Variants in ADAM18 observed in about 807,000 individuals in gnomAD.
ADAM18 encodes ADAM metallopeptidase domain 18, also known as disintegrin and metalloproteinase domain-containing protein 18.
A neutral mutation model predicts 94.4 loss-of-function variants in ADAM18; 117 were observed. The ratio of observed to expected loss-of-function variants is 1.24; its 90% CI spans 1.07 to 1.45. The LOEUF (loss-of-function observed/expected upper bound fraction) is 1.45. Ranked by LOEUF, ADAM18 falls within the 40% of genes most tolerant of loss-of-function variation. The pLI, the probability that ADAM18 is intolerant of heterozygous loss-of-function variation, is 0.00. For synonymous variants in ADAM18, 327 were observed against 291.6 expected (o/e 1.12, Z -1.24); for missense variants, 936 against 880.0 (o/e 1.06, Z -0.81).
chr8:39,684,235 T>C (rs1322273768), intron 16 of ADAM18, among the ~76,000 whole-genome samples: 1 of 152,164 alleles, frequency 6.6e-6, no homozygotes, highest in Non-Finnish European at 1.5e-5. Context: ...CTACCTTCCA[T>C]GTCATAAGCT....
At chr8:39,724,407 A>C (rs542440496) in intron 19 of ADAM18, among the ~76,000 whole-genome samples, 2 of 151,900 alleles carry the variant, frequency 1.3e-5, no homozygotes, top group African/African-American at 4.8e-5. Context: ...GTCAGTATTG[A>C]ATTATCATAC....
At chr8:39,597,082 T>C (rs1818765716) in intron 2 of ADAM18, among the ~76,000 whole-genome samples, 1 of 152,196 alleles carries the variant, frequency 6.6e-6, no homozygotes, top group African/African-American at 2.4e-5. Context: ...TATATCTTAT[T>C]TGATGAGATG....
In ADAM18 at chr8:39,677,534, G is replaced by T; in HGVS notation, c.1629G>T (p.Arg543=). 1 of 1,586,418 alleles carries T rather than the reference G, an allele frequency of 6.3e-7. No homozygotes were observed. The highest frequency in any genetic ancestry group is 1.2e-5 in the South Asian group (1 of 86,438). ...ATTCACAACCATTACCTTGTGAACG[G>T]AAGTACGTATGTAGAAAATGATTGC... ...FKNSQPLPCE[R]KDVLCGKLAC... Residue 543 remains arginine, a splice_region_variant and synonymous_variant, in exon 15 of 20, where the codon CGG becomes CGT. Transcript: ENST00000265707.
intron 12 of ADAM18, among the ~76,000 whole-genome samples, chr8:39,653,555 G>A (rs1820598954): frequency 6.6e-6 from 1 of 152,152 alleles, no homozygotes; most frequent in South Asian, 2.1e-4. Flanking sequence ...AGAAGTTCAT[G>A]CCACATGACT....
chr8:39,627,168 C>T (rs1279583561), intron 6 of ADAM18, among the ~76,000 whole-genome samples: 1 of 152,154 alleles, frequency 6.6e-6, no homozygotes, highest in Non-Finnish European at 1.5e-5. Flanking sequence ...CTGATAAAGA[C>T]ATACCCGAGA....
chr8:39,630,239 T>C (rs1199811717), intron 7 of ADAM18, among the ~76,000 whole-genome samples: 1 of 151,704 alleles, frequency 6.6e-6, no homozygotes, highest in Middle Eastern at 3.2e-3. Context: ...ATTAGTACTA[T>C]TATATATTTA....
chr8:39,650,900 T>C (rs975456487), intron 12 of ADAM18, among the ~76,000 whole-genome samples: 2 of 152,052 alleles, frequency 1.3e-5, no homozygotes, highest in Non-Finnish European at 2.9e-5. Context: ...GAAAGAAAAG[T>C]GGACCCAGGG....
At chr8:39,644,532 A>C (rs557619903) in intron 10 of ADAM18, among the ~76,000 whole-genome samples, 2 of 152,100 alleles carry the variant, frequency 1.3e-5, no homozygotes, top group East Asian at 3.9e-4. Flanking sequence ...AAGCAGTCCT[A>C]CTGCCTTGGC....
chr8:39,613,991 C>A (rs1819358169), intron 6 of ADAM18, among the ~76,000 whole-genome samples: 1 of 152,092 alleles, frequency 6.6e-6, no homozygotes, highest in East Asian at 1.9e-4. Flanking sequence ...AGAGAACGAA[C>A]CTATCATTGT....
chr8:39,644,883 T>C (rs1820335644), intron 10 of ADAM18, among the ~76,000 whole-genome samples: 1 of 152,210 alleles, frequency 6.6e-6, no homozygotes, highest in Admixed American at 6.5e-5. Context: ...AGAAAGTTTA[T>C]TGCAGATTAC....
At chr8:39,708,163 A>C (rs1168284480) in intron 18 of ADAM18, among the ~76,000 whole-genome samples, 1 of 152,174 alleles carries the variant, frequency 6.6e-6, no homozygotes, top group African/African-American at 2.4e-5. Flanking sequence ...GGAATTTTTC[A>C]TTTAATATTT....
At chr8:39,676,359 A>G (rs1360228564) in intron 14 of ADAM18, among the ~76,000 whole-genome samples, 15 of 152,042 alleles carry the variant, frequency 9.9e-5, no homozygotes, top group Admixed American at 9.8e-4. Context: ...AATGGCTGAT[A>G]CCCCTCCCCC....
At chr8:39,692,786 G>T (rs1821818703) in intron 17 of ADAM18, 106 bp downstream of exon 17, 15 of 761,796 alleles carry the variant, frequency 2.0e-5, no homozygotes, top group Non-Finnish European at 3.1e-5. Flanking sequence ...AGCTCTGGTA[G>T]ACTAATATAA....
Position 39,726,106 on chromosome 8 carries a change from A to ATTTATGTTTTCCTGATTATTGGTGATG in ADAM18, c.2177+2202_2177+2228dup, listed in dbSNP as rs1299092557. 1.1e-4 allele frequency among the ~76,000 whole-genome samples: 17 copies of ATTTATGTTTTCCTGATTATTGGTGATG among 152,156 alleles called. No individual in the cohort carries two copies. The East Asian group carries it at 3.3e-3, about 29-fold the overall frequency. On this transcript the variant is annotated intron_variant, in intron 19 of 19. Transcript: ENST00000265707. ...AAAGTAATATCTCATAGTGGTCTTC[A>ATTTATGTTTTCCTGATTATTGGTGATG]TTTATGTTTTCCTGATTATTGGTGA... is the stretch of plus-strand genomic sequence containing the variant.
At chr8:39,669,045 G>A (rs944652478) in intron 14 of ADAM18, among the ~76,000 whole-genome samples, 2 of 151,694 alleles carry the variant, frequency 1.3e-5, no homozygotes, top group Non-Finnish European at 2.9e-5. Context: ...TTTCTAGAAT[G>A]CTACTTTTTA....
chr8:39,711,651 G>A (rs1002003568), intron 18 of ADAM18, among the ~76,000 whole-genome samples: 1 of 151,938 alleles, frequency 6.6e-6, no homozygotes, highest in East Asian at 1.9e-4. Context: ...GTGAATTTGG[G>A]CAGAGAGAAA....
At chr8:39,589,468 G>T (rs933611849) in intron 2 of ADAM18, among the ~76,000 whole-genome samples, 1 of 151,954 alleles carries the variant, frequency 6.6e-6, no homozygotes, top group African/African-American at 2.4e-5. Flanking sequence ...TTAATATAGA[G>T]AATATAAGAA....
chr8:39,614,402 C>A (rs1365512706), intron 6 of ADAM18, among the ~76,000 whole-genome samples: 2 of 152,096 alleles, frequency 1.3e-5, no homozygotes, highest in African/African-American at 2.4e-5. Context: ...AAATAAAATC[C>A]TTTTCAGACA....
rs549982785 is a variant in ADAM18 at position 39,715,703 on chromosome 8, AC to A, written c.2018-8044del. Among the ~76,000 whole-genome samples the A allele has an allele frequency of 1.1e-4, 16 of 152,196 alleles. No individual in the cohort carries two copies. In the South Asian group the frequency reaches 2.7e-3, roughly 26 times the overall value. On this transcript the variant is annotated intron_variant, in intron 18 of 19. Transcript: ENST00000265707. ...AATATTTTATAATCTTTATAAAAAAACAATTCATTGAACAACACAATAAAAC... is the reference window on the plus strand; with the variant it reads ...AATATTTTATAATCTTTATAAAAAAAAATTCATTGAACAACACAATAAAAC...
Sources: gnomAD v4.1 joint callset for allele counts (sites outside exome capture counted in the v4.1 genomes callset) on GRCh38, gnomAD v4.1.1 for gene constraint, MANE v1.5 for transcripts, NCBI Gene and HGNC (gene_info 2026-07-23, HGNC 2026-07-21) for gene names.